Variants in MTFR1 observed in about 807,000 individuals in gnomAD.
MTFR1 encodes chondrocyte protein with a poly-proline region.
A neutral mutation model predicts 38.8 loss-of-function variants in MTFR1; 28 were observed. The ratio of observed to expected loss-of-function variants is 0.72; its 90% CI spans 0.53 to 0.99. The LOEUF is 0.99. Among genes scored for constraint, MTFR1 ranks in the 50% least tolerant of loss-of-function variants. The pLI is 0.00. For synonymous variants in MTFR1, 145 were observed against 137.0 expected, an observed-to-expected ratio of 1.06 and a Z score of -0.41; for missense variants, 358 against 395.5, an observed-to-expected ratio of 0.91 and a Z score of 0.81.
chr8:65,661,930 C>A (rs1004041161), intron 1 of MTFR1, among the ~76,000 whole-genome samples: 1 of 152,124 alleles, frequency 6.6e-6, no homozygotes, highest in South Asian at 2.1e-4. Flanking sequence ...CACCACTGTA[C>A]TCCAGCCTGG....
At chr8:65,662,150 G>A in intron 1 of MTFR1, among the ~76,000 whole-genome samples, 1 of 149,998 alleles carries the variant, frequency 6.7e-6, no homozygotes, top group South Asian at 2.1e-4. Context: ...GATGCCGAGC[G>A]GAAGCTGGAC....
At chr8:65,695,490 G>C (rs1297143805) in intron 4 of MTFR1, among the ~76,000 whole-genome samples, 1 of 152,122 alleles carries the variant, frequency 6.6e-6, no homozygotes, top group Non-Finnish European at 1.5e-5. Context: ...CCGAGTAGCT[G>C]GGATTCCAGG....
chr8:65,735,704 C>T (rs1443207002), intron 3 of MTFR1, among the ~76,000 whole-genome samples: 1 of 152,134 alleles, frequency 6.6e-6, no homozygotes, highest in African/African-American at 2.4e-5. Flanking sequence ...GCTAACTGTG[C>T]AACGCCCACC....
downstream of MTFR1, among the ~76,000 whole-genome samples, chr8:65,771,949 C>T (rs559552453): frequency 6.9e-6 from 1 of 144,900 alleles, no homozygotes; most frequent in Admixed American, 6.9e-5. Context: ...GCAGGGATAA[C>T]GGTTAGTTAG....
chr8:65,651,963 A>ATT (rs142634799), intron 1 of MTFR1, among the ~76,000 whole-genome samples: 2,706 of 142,228 alleles, frequency 0.019, 25 homozygotes, highest in African/African-American at 0.026. Context: ...GCCCCCTTTA[A>ATT]TTTTTTTTTT....
chr8:65,737,835 T>C (rs1425550372), intron 3 of MTFR1, among the ~76,000 whole-genome samples: 1 of 152,186 alleles, frequency 6.6e-6, no homozygotes, highest in Admixed American at 6.5e-5. Flanking sequence ...AAATATTAAA[T>C]GTCCCCACCA....
intron 2 of MTFR1, among the ~76,000 whole-genome samples, chr8:65,670,835 G>T (rs760519821): frequency 3.3e-5 from 5 of 151,848 alleles, no homozygotes; most frequent in Non-Finnish European, 7.4e-5. Context: ...TCCCCGAGTA[G>T]CTGGGATTAC....
chr8:65,768,253 C>T (rs928338233), intron 3 of MTFR1, among the ~76,000 whole-genome samples: 2 of 152,162 alleles, frequency 1.3e-5, no homozygotes, highest in Admixed American at 1.3e-4. Flanking sequence ...TTCCAAATCT[C>T]TTAACACAAG....
exon 3 of MTFR1, chr8:65,719,474 T>C: frequency 1.2e-6 from 2 of 1,613,092 alleles, no homozygotes; most frequent in Non-Finnish European, 1.7e-6. Flanking sequence ...AAATAAAGGC[T>C]CCACTAGGTA....
intron 1 of MTFR1, among the ~76,000 whole-genome samples, chr8:65,648,830 GA>G (rs1411728563): frequency 6.6e-6 from 1 of 152,050 alleles, no homozygotes; most frequent in African/African-American, 2.4e-5. Context: ...AAACATTTAA[GA>G]TTTTTTTTTA....
chr8:65,654,911 A>T (rs1809214908), intron 1 of MTFR1, among the ~76,000 whole-genome samples: 1 of 152,112 alleles, frequency 6.6e-6, no homozygotes, highest in Non-Finnish European at 1.5e-5. Flanking sequence ...TGCAGGGGAC[A>T]GTAACTATTA....
intron 4 of MTFR1, among the ~76,000 whole-genome samples, chr8:65,697,916 T>C (rs998414034): frequency 3.3e-5 from 5 of 152,186 alleles, no homozygotes; most frequent in African/African-American, 7.2e-5. Context: ...TTGTCACATA[T>C]ATGGTTTATA....
At chr8:65,663,272 A>G (rs900730842) in intron 1 of MTFR1, among the ~76,000 whole-genome samples, 1 of 152,204 alleles carries the variant, frequency 6.6e-6, no homozygotes, top group Non-Finnish European at 1.5e-5. Context: ...GTGTCCACTC[A>G]GGGTTGAATG....
chr8:65,773,785 C>A (rs890224499), downstream of MTFR1, among the ~76,000 whole-genome samples: 34 of 152,232 alleles, frequency 2.2e-4, no homozygotes, highest in African/African-American at 7.9e-4. Flanking sequence ...ACAATCTAAT[C>A]ATTTTTAATG....
upstream of MTFR1, among the ~76,000 whole-genome samples, chr8:65,644,538 A>G (rs779842481): frequency 6.6e-6 from 1 of 152,242 alleles, no homozygotes; most frequent in Non-Finnish European, 1.5e-5. Flanking sequence ...TCCGCACAAA[A>G]GCACACGCCC....
intron 3 of MTFR1, chr8:65,727,367 A>C (rs1806654553): frequency 6.3e-7 from 1 of 1,588,898 alleles, no homozygotes; most frequent in Non-Finnish European, 8.6e-7. Flanking sequence ...CCATCACAGT[A>C]GTTTTGAATT....
At chr8:65,683,727 T>C (rs66831149) in intron 3 of MTFR1, among the ~76,000 whole-genome samples, 62 of 151,994 alleles carry the variant, frequency 4.1e-4, no homozygotes, top group Admixed American at 1.2e-3. Flanking sequence ...TTTTCTTTTT[T>C]TTTTGGAGAC....
At chr8:65,661,171 C>T (rs1396252984) in intron 1 of MTFR1, among the ~76,000 whole-genome samples, 4 of 152,188 alleles carry the variant, frequency 2.6e-5, no homozygotes, top group Non-Finnish European at 1.5e-5. Flanking sequence ...CCTTAACCCA[C>T]ACAATGTACA....
intron 7 of MTFR1, among the ~76,000 whole-genome samples, 181 bp from the exon 8 acceptor site, chr8:65,708,795 T>G (rs1373919027): frequency 6.6e-6 from 1 of 152,248 alleles, no homozygotes; most frequent in Non-Finnish European, 1.5e-5. Flanking sequence ...CCTTTCATTC[T>G]GTTGATATGT....
Sources: allele counts gnomAD v4.1 joint callset (sites outside exome capture counted in the v4.1 genomes callset), GRCh38; gene constraint gnomAD v4.1.1; transcripts MANE v1.5; gene names NCBI Gene and HGNC (gene_info 2026-07-23, HGNC 2026-07-21).